Variants in ERCC6 observed in about 807,000 individuals in gnomAD.
ERCC6 encodes the protein ERCC excision repair 6, chromatin remodeling factor.
A neutral mutation model predicts 158.7 loss-of-function variants in ERCC6; 116 were observed. The ratio of observed to expected loss-of-function variants is 0.73; its 90% confidence interval spans 0.63 to 0.85. ERCC6 has a LOEUF of 0.85. ERCC6 is among the 40% of genes least tolerant of loss of function. The pLI, the probability that ERCC6 is intolerant of heterozygous loss-of-function variation, is 0.00. For missense variants in ERCC6, 1,698 were observed against 1,799.4 expected (o/e 0.94, Z 1.02); for synonymous variants, 678 against 659.3 (o/e 1.03, Z -0.43).
intron 5 of ERCC6, among the ~76,000 whole-genome samples, chr10:49,513,857 T>TC (rs979915885): frequency 1.4e-5 from 2 of 140,576 alleles, no homozygotes; most frequent in East Asian, 2.0e-4. Flanking sequence ...TCTCTCTCTC[T>TC]TTTTTTTTTA....
downstream of ERCC6, among the ~76,000 whole-genome samples, chr10:49,450,988 T>G (rs893079300): frequency 8.5e-5 from 13 of 152,064 alleles, no homozygotes; most frequent in Non-Finnish European, 1.5e-5. Context: ...ATTTTTTGTA[T>G]TTTTAGTGGA....
intron 18 of ERCC6, among the ~76,000 whole-genome samples, chr10:49,468,454 G>A (rs1403822961): frequency 6.6e-6 from 1 of 152,160 alleles, no homozygotes; most frequent in Non-Finnish European, 1.5e-5. Flanking sequence ...AGAGATCACT[G>A]CCCTTTGGTG....
In ERCC6 at chr10:49,461,732, T is replaced by C. The variant is rs942282843; in HGVS notation, c.3779-176A>G. Reference sequence around the variant, plus strand: ...GATAATTCAAGCAACATAAAAAATATAAAATTCACACACAGAAACCTATAA... The same window carrying C: ...GATAATTCAAGCAACATAAAAAATACAAAATTCACACACAGAAACCTATAA... On this transcript the variant is annotated intron_variant, in intron 18 of 20. Transcript: ENST00000355832. 6.6e-5 allele frequency among the ~76,000 whole-genome samples: 10 copies of C among 152,268 alleles called. 1 individual carries two copies. In the East Asian group the frequency reaches 1.9e-3, roughly 29 times the overall value.
chr10:49,525,359 T>C (rs1837290159), intron 4 of ERCC6: 1 of 161,400 alleles, frequency 6.2e-6, no homozygotes, highest in South Asian at 1.7e-4. Flanking sequence ...CTTTTTCAAG[T>C]GCTCAAGAGC....
At chr10:49,489,667 C>CA (rs1341944334) in intron 8 of ERCC6, among the ~76,000 whole-genome samples, 26 of 151,184 alleles carry the variant, frequency 1.7e-4, no homozygotes, top group East Asian at 5.8e-4. Flanking sequence ...GACTACGTAG[C>CA]AAAAAAAGGT....
chr10:49,493,050 G>A, intron 8 of ERCC6, 67 bp downstream of exon 8: 1 of 1,563,408 alleles, frequency 6.4e-7, no homozygotes, highest in Non-Finnish European at 8.8e-7. Flanking sequence ...ATGGATCAGA[G>A]AAAAACCAAA....
At chr10:49,496,291 C>A (rs1198624726) in intron 7 of ERCC6, among the ~76,000 whole-genome samples, 1 of 152,210 alleles carries the variant, frequency 6.6e-6, no homozygotes, top group East Asian at 1.9e-4. Context: ...TGTATGAGAT[C>A]CTCCCTAAAC....
At chr10:49,451,950 G>C (rs1850424755), downstream of ERCC6, among the ~76,000 whole-genome samples, 1 of 152,026 alleles carries the variant, frequency 6.6e-6, no homozygotes, top group East Asian at 1.9e-4. Context: ...TTTCTGTAAG[G>C]TTGGTAGTAG....
At position 49,483,534 on chromosome 10, in the gene ERCC6, T is replaced by C. The variant is rs771513022; in HGVS notation, c.1822-18A>G. On this transcript the variant is annotated intron_variant, in intron 8 of 20. Coordinates refer to ENST00000355832, the MANE Select transcript of ERCC6 (RefSeq NM_000124.4). ...AGTTTCTCCTGAGACCACAATAAAA[T>C]GGTAAAGTCAGTTTTAAATAAGAAG... The C allele has an allele frequency of 4.3e-6, 7 of 1,613,318 alleles. No homozygotes were observed. Among genetic ancestry groups the C allele is most frequent in the Non-Finnish European group, 5.9e-6 (7 of 1,179,734 alleles).
intron 15 of ERCC6, 192 bp downstream of exon 15, chr10:49,472,717 G>C (rs187410426): frequency 1.3e-6 from 1 of 759,540 alleles, no homozygotes; most frequent in African/African-American, 1.8e-5. Context: ...GAATGCTATG[G>C]ATAAACTGCT....
In ERCC6 at chr10:49,457,722, ACACTT is replaced by A. The variant is rs1435130027; in HGVS notation, c.*1088_*1092del. The A allele has an allele frequency of 6.6e-6, 1 of 152,264 alleles. No individual in the cohort carries two copies. The highest frequency in any genetic ancestry group is 6.5e-5 in the Admixed American group (1 of 15,284). The allele number at this position is 152,264 out of a possible 1,614,324, so 9.4% of individuals were successfully genotyped here. A position where few individuals can be genotyped will look rare whatever the true frequency, so the allele number is the denominator to read the frequency against. On this transcript the variant is annotated 3_prime_UTR_variant, in exon 21 of 21. Coordinates refer to ENST00000355832, the MANE Select transcript of ERCC6 (RefSeq NM_000124.4). ...GGAATACGATGAATTTCGGAAAACA[ACACTT>A]CAAAGATGAGATGATAAAATCATCC...
intron 4 of ERCC6, among the ~76,000 whole-genome samples, chr10:49,527,394 G>A (rs1332498018): frequency 6.6e-6 from 1 of 152,210 alleles, no homozygotes; most frequent in Non-Finnish European, 1.5e-5. Flanking sequence ...GTACTTTTGG[G>A]CTGGGTGCAG....
At chr10:49,443,035 G>T in the ERCC6 span, among the ~76,000 whole-genome samples, 1 of 152,136 alleles carries the variant, frequency 6.6e-6, no homozygotes, top group South Asian at 2.1e-4. Flanking sequence ...GCCAATGAGG[G>T]TGTAAAATGT....
chr10:49,472,512 C>T, intron 15 of ERCC6, 42 bp from the exon 16 acceptor site: 1 of 1,589,080 alleles, frequency 6.3e-7, no homozygotes, highest in Non-Finnish European at 8.6e-7. Flanking sequence ...GAATCCTTCC[C>T]AATGACAAGC....
rs1227006584 is a variant in ERCC6 at position 49,455,047 on chromosome 10, A to C, written c.*3768T>G. On this transcript the variant is annotated 3_prime_UTR_variant, in exon 21 of 21. Transcript: ENST00000355832. ...AATGGTTCTTAAATAAACAAAAAAA[A>C]ATGGAAAGACTGAATTTACTATATT... Among the ~76,000 whole-genome samples the C allele has an allele frequency of 6.6e-6, 1 of 152,186 alleles. No individual in the cohort carries two copies. The highest frequency in any genetic ancestry group is 6.5e-5 in the Admixed American group (1 of 15,282).
intron 4 of ERCC6, 177 bp from the exon 5 acceptor site, chr10:49,524,954 C>T (rs1401878189): frequency 9.8e-6 from 14 of 1,433,526 alleles, no homozygotes; most frequent in Admixed American, 2.5e-5. Flanking sequence ...TAGCATCATG[C>T]TATATTTAAT....
Position 49,524,241 on chromosome 10 carries a change from C to T in ERCC6, c.1189G>A (p.Gly397Arg), listed in dbSNP as rs752073309. 3.7e-6 allele frequency: 6 copies of T among 1,614,116 alleles called. No homozygotes were observed. The South Asian group carries it at 6.6e-5, about 18-fold the overall frequency. Reference sequence around the variant, plus strand: ...TTCAGCTCATAGTCAGTACCATCTCCAGACAGGTCCGCCTCTGCCCCCTCC... The same window carrying T: ...TTCAGCTCATAGTCAGTACCATCTCTAGACAGGTCCGCCTCTGCCCCCTCC... ...EVEGAEADLS[G>R]DGTDYELKPL... Residue 397 changes from glycine (G) to arginine (R), a missense_variant, in exon 5 of 21, where the codon GGA becomes AGA. Transcript: ENST00000355832.
At chr10:49,523,897 G>A in intron 5 of ERCC6, 136 bp downstream of exon 5, 1 of 1,301,172 alleles carries the variant, frequency 7.7e-7, no homozygotes, top group East Asian at 2.5e-5. Flanking sequence ...GCAGGTTAAG[G>A]CTGCAGAAAT....
intron 10 of ERCC6, 130 bp downstream of exon 10, chr10:49,482,557 T>C: frequency 3.0e-6 from 2 of 668,282 alleles, no homozygotes. Flanking sequence ...TTTTTTTTTT[T>C]AACCAGATAC....
Sources: allele counts gnomAD v4.1 joint callset (sites outside exome capture counted in the v4.1 genomes callset), GRCh38; gene constraint gnomAD v4.1.1; transcripts MANE v1.5; gene names NCBI Gene and HGNC (gene_info 2026-07-23, HGNC 2026-07-21).